The following ANKAR variants were observed in gnomAD, a reference collection of about 807,000 sequenced individuals.
ANKAR encodes ankyrin and armadillo repeat containing.
Under a neutral mutation model 146.2 loss-of-function variants are expected in ANKAR, and 136 were observed. The ratio of observed to expected loss-of-function variants is 0.93; its 90% CI spans 0.81 to 1.07. The LOEUF is 1.07. Ranked by LOEUF, ANKAR falls within the 50% of genes least tolerant of loss-of-function variation. The pLI is 0.00. For missense variants in ANKAR, 1,567 were observed against 1,679.9 expected (o/e 0.93, Z 1.18); for synonymous variants, 500 against 575.8 (o/e 0.87, Z 1.88).
chr2:189,761,243 T>C (rs774484217), downstream of ANKAR: 10 of 529,214 alleles, frequency 1.9e-5, no homozygotes, highest in Non-Finnish European at 3.1e-5. Flanking sequence ...GGGACCTTAT[T>C]GTGAAGACCC....
At chr2:189,703,181 G>C (rs2038339253) in intron 7 of ANKAR, among the ~76,000 whole-genome samples, 1 of 152,174 alleles carries the variant, frequency 6.6e-6, no homozygotes, top group African/African-American at 2.4e-5. Context: ...TCCTGTCACT[G>C]TTCCTCATAA....
At chr2:189,738,442 C>G in intron 18 of ANKAR, 123 bp from the exon 19 acceptor site, 1 of 635,326 alleles carries the variant, frequency 1.6e-6, no homozygotes, top group South Asian at 2.1e-5. Context: ...ATTGAATCCT[C>G]TAAACACTCC....
intron 1 of ANKAR, 107 bp downstream of exon 1, chr2:189,674,937 G>C (rs2033268706): frequency 6.6e-6 from 1 of 152,254 alleles, no homozygotes; most frequent in African/African-American, 2.4e-5. Context: ...CGTGGGTTCT[G>C]TTTCTGAAAG....
At chr2:189,709,732 A>G (rs939921729) in intron 9 of ANKAR, among the ~76,000 whole-genome samples, 9 of 152,346 alleles carry the variant, frequency 5.9e-5, no homozygotes, top group Admixed American at 5.2e-4. Context: ...TATGAGCCCC[A>G]AGAGATATTG....
At chr2:189,737,281 C>T (rs566961072) in intron 17 of ANKAR, among the ~76,000 whole-genome samples, 11 of 152,152 alleles carry the variant, frequency 7.2e-5, no homozygotes, top group African/African-American at 1.7e-4. Flanking sequence ...GGCAAGCAGA[C>T]TAATTCTACA....
At chr2:189,700,588 AT>A (rs999898015) in intron 7 of ANKAR, among the ~76,000 whole-genome samples, 2 of 152,002 alleles carry the variant, frequency 1.3e-5, no homozygotes, top group African/African-American at 2.4e-5. Flanking sequence ...TATACAATTA[AT>A]TTTTTTTACT....
chr2:189,707,115 TC>T lies in ANKAR; in HGVS notation c.2090del (p.Pro697LeufsTer10). The T allele has an allele frequency of 6.4e-7, 1 of 1,560,440 alleles. No homozygotes were observed. ...TCAAATATATAATAAAATTAAATAT[TC>T]CTGAACTCCCAGTGTGGAAAACTTT... Reference protein sequence around the residue: ...VLKYIIKLNIPELPVWKTLVE... With the variant: ...VLKYIIKLNIXELPVWKTLVE... On this transcript the variant is annotated frameshift_variant, in exon 9 of 23. Coordinates refer to ENST00000684021, the MANE Select transcript of ANKAR (RefSeq NM_001378068.1). LOFTEE classifies it high-confidence loss of function.
chr2:189,695,029 T>C lies in ANKAR; in HGVS notation c.1356T>C (p.Tyr452=), dbSNP rs1362783515. ...FELETFYQQL[Y]KTQWWGAINE... is the part of the protein sequence containing the mutation. ...TAGAAACTTTCTATCAGCAACTATA[T>C]AAGACACAGTGGTGGGGAGCCATAA... The change falls in exon 6 of 23, where the codon TAT becomes TAC. Residue 452 remains tyrosine (Y), a synonymous_variant. Coordinates refer to ENST00000684021, the MANE Select transcript of ANKAR (RefSeq NM_001378068.1). The C allele has an allele frequency of 1.2e-6, 2 of 1,608,826 alleles. No homozygotes were observed. The highest frequency in any genetic ancestry group is 1.7e-6 in the Non-Finnish European group (2 of 1,177,340).
intron 7 of ANKAR, among the ~76,000 whole-genome samples, chr2:189,700,926 C>T (rs1160429344): frequency 1.3e-5 from 2 of 152,202 alleles, no homozygotes; most frequent in Non-Finnish European, 2.9e-5. Flanking sequence ...TAAATTTTCT[C>T]TATCCACTCA....
Position 189,728,677 on chromosome 2 carries a change from GCTCT to G in ANKAR, c.3050_3053del (p.Ala1017GlufsTer25), listed in dbSNP as rs771359393. ...TTTATCAGGAGGTGAAGCTGTCATA[GCTCT>G]AAGTAAGGACAGCAGGATGCATCAA... On this transcript the variant is annotated frameshift_variant, in exon 15 of 23. Coordinates refer to ENST00000684021, the MANE Select transcript of ANKAR (RefSeq NM_001378068.1). LOFTEE classifies it high-confidence loss of function. 5.3e-5 allele frequency: 85 copies of G among 1,613,836 alleles called. No homozygotes were observed. The African/African-American group carries it at 1.0e-3, about 19-fold the overall frequency.
intron 18 of ANKAR, chr2:189,755,693 C>A: frequency 2.1e-6 from 2 of 934,166 alleles, no homozygotes; most frequent in Admixed American, 3.4e-5. Flanking sequence ...TAATTGTGTG[C>A]CTTCTAACAT....
chr2:189,719,448 A>T, intron 10 of ANKAR, 124 bp from the exon 11 acceptor site: 1 of 718,878 alleles, frequency 1.4e-6, no homozygotes, highest in Non-Finnish European at 1.9e-6. Flanking sequence ...ATTTTATAGA[A>T]TTATTTCATA....
intron 2 of ANKAR, among the ~76,000 whole-genome samples, chr2:189,688,836 G>A (rs748465812): frequency 6.6e-6 from 1 of 152,124 alleles, no homozygotes; most frequent in African/African-American, 2.4e-5. Flanking sequence ...GGACTTGAAG[G>A]CATTCACGTG....
At chr2:189,720,906 C>A (rs547531575) in intron 12 of ANKAR, 119 bp downstream of exon 12, 2 of 765,614 alleles carry the variant, frequency 2.6e-6, no homozygotes, top group South Asian at 4.7e-5. Flanking sequence ...TAGATCTAAA[C>A]GTGTAATATA....
chr2:189,697,960 T>C (rs1035097423), intron 7 of ANKAR, among the ~76,000 whole-genome samples: 2 of 152,136 alleles, frequency 1.3e-5, no homozygotes, highest in Non-Finnish European at 2.9e-5. Flanking sequence ...CTGTTCGATG[T>C]AATCTTGCCA....
intron 21 of ANKAR, among the ~76,000 whole-genome samples, chr2:189,743,756 C>T (rs1247077277): frequency 1.3e-5 from 2 of 152,172 alleles, no homozygotes; most frequent in Non-Finnish European, 2.9e-5. Context: ...GTTACCACAA[C>T]ATCTGATTCA....
intron 10 of ANKAR, among the ~76,000 whole-genome samples, chr2:189,718,745 CTTT>C (rs11377626): frequency 1.4e-5 from 2 of 139,176 alleles, no homozygotes. Flanking sequence ...TTTCTATTTT[CTTT>C]TTTTTTTTTT....
chr2:189,697,518 G>C (rs1350894257), intron 7 of ANKAR, among the ~76,000 whole-genome samples: 1 of 151,998 alleles, frequency 6.6e-6, no homozygotes, highest in African/African-American at 2.4e-5. Flanking sequence ...CATAAATTCT[G>C]TACTCTATCA....
At chr2:189,738,340 T>C (rs527818861) in intron 18 of ANKAR, among the ~76,000 whole-genome samples, 3 of 152,176 alleles carry the variant, frequency 2.0e-5, no homozygotes, top group South Asian at 2.1e-4. Context: ...GTTGCAAACA[T>C]TGTAGGAAGA....
Sources: gnomAD v4.1 joint callset for allele counts (sites outside exome capture counted in the v4.1 genomes callset) on GRCh38, gnomAD v4.1.1 for gene constraint, MANE v1.5 for transcripts, NCBI Gene and HGNC (gene_info 2026-07-23, HGNC 2026-07-21) for gene names.